Variants in FARP2 observed in about 807,000 individuals in gnomAD.
FARP2 encodes FERM, ARH/RhoGEF and pleckstrin domain protein 2.
FARP2 carries 111 observed loss-of-function variants against 130.5 expected under a neutral mutation model. That is an observed-to-expected ratio of 0.85 (90% CI 0.73 to 1.00). FARP2 has a LOEUF of 1.00. FARP2 is among the 50% of genes least tolerant of loss of function. The pLI, the probability that FARP2 is intolerant of heterozygous loss-of-function variation, is 0.00. For missense variants in FARP2, 1,385 were observed against 1,346.3 expected (o/e 1.03, Z -0.45); for synonymous variants, 504 against 516.9 (o/e 0.98, Z 0.34).
chr2:241,398,731 G>A (rs1299479133), intron 2 of FARP2, among the ~76,000 whole-genome samples: 1 of 152,004 alleles, frequency 6.6e-6, no homozygotes, highest in East Asian at 1.9e-4. Flanking sequence ...ACCACGCCCG[G>A]CTAATTTTTG....
At chr2:241,386,548 G>A (rs1296545377) in intron 2 of FARP2, among the ~76,000 whole-genome samples, 1 of 152,222 alleles carries the variant, frequency 6.6e-6, no homozygotes, top group Admixed American at 6.5e-5. Context: ...ATTGGTTAGC[G>A]ATTGTCAAAG....
chr2:241,443,105 G>A (rs1467690721), intron 13 of FARP2: 3 of 261,594 alleles, frequency 1.1e-5, no homozygotes, highest in South Asian at 4.0e-5. Context: ...TAAGGCCCCC[G>A]TAGACATTAG....
rs145630727 is a variant in FARP2 at position 241,411,055 on chromosome 2, A to G, written c.433A>G (p.Lys145Glu). The stretch of plus-strand genomic sequence containing the variant: ...TAGATACTTGTTTGCCTTGCAACTT[A>G]AGAGAGACCTGCTGGAAGAGCGTTT... ...YTRYLFALQL[K>E]RDLLEERLTC... is the part of the protein sequence containing the mutation. The change falls in exon 6 of 27, where the codon AAG (lysine) becomes GAG (glutamate). Residue 145 changes from lysine (K) to glutamate (E), a missense_variant. Coordinates refer to ENST00000264042, the MANE Select transcript of FARP2 (RefSeq NM_014808.4). 6.2e-7 allele frequency: 1 copy of G among 1,611,232 alleles called. No individual in the cohort carries two copies. The highest frequency in any genetic ancestry group is 1.3e-5 in the African/African-American group (1 of 75,014).
At chr2:241,467,189 G>A (rs1020020596) in intron 17 of FARP2, among the ~76,000 whole-genome samples, 5 of 152,198 alleles carry the variant, frequency 3.3e-5, no homozygotes, top group African/African-American at 1.2e-4. Context: ...CAGGGAGGTT[G>A]AGGCTGCAGT....
intron 7 of FARP2, among the ~76,000 whole-genome samples, chr2:241,416,288 G>A (rs1241594741): frequency 6.6e-6 from 1 of 152,112 alleles, no homozygotes; most frequent in East Asian, 1.9e-4. Context: ...CGAGAAGGGT[G>A]AGCCATGTGG....
At chr2:241,430,285 T>C (rs2063058691) in intron 8 of FARP2, among the ~76,000 whole-genome samples, 1 of 152,224 alleles carries the variant, frequency 6.6e-6, no homozygotes, top group African/African-American at 2.4e-5. Context: ...ATGCCAGGCT[T>C]GTTTTGTACT....
chr2:241,439,058 ACT>A (rs763391849), intron 12 of FARP2, among the ~76,000 whole-genome samples: 107 of 151,120 alleles, frequency 7.1e-4, no homozygotes, highest in Non-Finnish European at 1.3e-3. Flanking sequence ...ACAGGGTCTC[ACT>A]CTATCATCTC....
At chr2:241,375,598 A>G (rs1342877194) in intron 2 of FARP2, among the ~76,000 whole-genome samples, 1 of 152,242 alleles carries the variant, frequency 6.6e-6, no homozygotes, top group African/African-American at 2.4e-5. Flanking sequence ...TACAATATTT[A>G]GAGCTTGTCA....
intron 8 of FARP2, among the ~76,000 whole-genome samples, chr2:241,427,423 T>A (rs2062970053): frequency 6.6e-6 from 1 of 152,088 alleles, no homozygotes; most frequent in South Asian, 2.1e-4. Flanking sequence ...CTTTGGAAGG[T>A]CAAGGCAAGA....
chr2:241,492,922 TTGACAGAACCA>T lies in FARP2; in HGVS notation c.2788-6_2792del, dbSNP rs766143005. 2 of 1,577,824 alleles carry T rather than the reference TTGACAGAACCA, an allele frequency of 1.3e-6. No individual in the cohort carries two copies. Among genetic ancestry groups the T allele is most frequent in the East Asian group, 4.5e-5 (2 of 44,688 alleles). On this transcript the variant is annotated splice_acceptor_variant and splice_polypyrimidine_tract_variant and coding_sequence_variant and intron_variant, in exon 25 of 27. Transcript: ENST00000264042. LOFTEE classifies it high-confidence loss of function. ...TTAATGCACCTGCATTTTTCCTTTA[TTGACAGAACCA>T]GCTTTCAGGATATCTGCTAAGAAAG...
chr2:241,366,125 A>ATATATATACACATATATATATACG (rs747717812), intron 1 of FARP2, among the ~76,000 whole-genome samples: 4 of 67,362 alleles, frequency 5.9e-5, no homozygotes, highest in African/African-American at 1.1e-4. Context: ...ATATATACGT[A>ATATATATACACATATATATATACG]TATATATATA....
At chr2:241,409,034 TA>T (rs1369188105) in intron 5 of FARP2, among the ~76,000 whole-genome samples, 42 of 128,580 alleles carry the variant, frequency 3.3e-4, no homozygotes, top group Non-Finnish European at 4.2e-4. Context: ...GATAGATAGA[TA>T]GATGATAGAT....
At chr2:241,457,041 C>A (rs952065791) in intron 14 of FARP2, 119 bp downstream of exon 14, 2 of 888,454 alleles carry the variant, frequency 2.3e-6, no homozygotes, top group East Asian at 3.0e-5. Context: ...TCTGCACTCA[C>A]AGCCGCCTTA....
At chr2:241,432,821 A>G (rs1246179499) in intron 9 of FARP2, among the ~76,000 whole-genome samples, 1 of 152,222 alleles carries the variant, frequency 6.6e-6, no homozygotes, top group Non-Finnish European at 1.5e-5. Context: ...CCAAGCTACC[A>G]TGGGGTTTGA....
intron 2 of FARP2, among the ~76,000 whole-genome samples, chr2:241,375,226 C>T (rs2061508879): frequency 6.6e-6 from 1 of 152,144 alleles, no homozygotes; most frequent in Admixed American, 6.5e-5. Flanking sequence ...GCTGGAATTA[C>T]AGGTGTGAGC....
At chr2:241,462,449 A>C in intron 14 of FARP2, 74 bp from the exon 15 acceptor site, 1 of 1,027,774 alleles carries the variant, frequency 9.7e-7, no homozygotes, top group Non-Finnish European at 1.5e-6. Flanking sequence ...AAACATTACC[A>C]ACTTCAGGCT....
chr2:241,455,044 A>G (rs761954628), intron 13 of FARP2, among the ~76,000 whole-genome samples: 1 of 152,206 alleles, frequency 6.6e-6, no homozygotes, highest in Non-Finnish European at 1.5e-5. Flanking sequence ...CAAACAGGGA[A>G]TCATGATGTC....
In FARP2 at chr2:241,386,279, C is replaced by T. The variant is rs796301538; in HGVS notation, c.183+12989C>T. ...TATTTTTTAATTTTAGAGATGGGGT[C>T]CCGCTGTTGTTGCTCAGGCTAGCTT... On this transcript the variant is annotated intron_variant, in intron 2 of 26. Coordinates refer to ENST00000264042, the MANE Select transcript of FARP2 (RefSeq NM_014808.4). 2.6e-5 allele frequency among the ~76,000 whole-genome samples: 4 copies of T among 152,124 alleles called. No individual in the cohort carries two copies. In the South Asian group the frequency reaches 8.3e-4, roughly 32 times the overall value.
rs1341058879 is a variant in FARP2 at position 241,463,903 on chromosome 2, G to GGGCC, written c.1817_1820dup (p.Ser608AlafsTer35). On this transcript the variant is annotated frameshift_variant, in exon 17 of 27. Coordinates refer to ENST00000264042, the MANE Select transcript of FARP2 (RefSeq NM_014808.4). LOFTEE classifies it high-confidence loss of function. The stretch of plus-strand genomic sequence containing the variant: ...ACTTTGTTTCTTTTTACTCAGGGAA[G>GGGCC]GGCCCTCCAAAGCCCACACAAAAGG... 6.2e-7 allele frequency: 1 copy of GGGCC among 1,613,618 alleles called. No individual in the cohort carries two copies. The highest frequency in any genetic ancestry group is 8.5e-7 in the Non-Finnish European group (1 of 1,179,604).
Sources: gnomAD v4.1 joint callset for allele counts (sites outside exome capture counted in the v4.1 genomes callset) on GRCh38, gnomAD v4.1.1 for gene constraint, MANE v1.5 for transcripts, NCBI Gene and HGNC (gene_info 2026-07-23, HGNC 2026-07-21) for gene names.